Variants in DST observed in about 807,000 individuals in gnomAD.
DST encodes dystonin, also known as bullous pemphigoid antigen.
In DST, 253 loss-of-function variants were observed where a neutral mutation model predicts 875.2. That is an observed-to-expected ratio of 0.29 (90% CI 0.26 to 0.32). The LOEUF (loss-of-function observed/expected upper bound fraction) is 0.32, where lower values mean the gene tolerates loss of function less well. DST is among the 10% of genes least tolerant of loss of function. The probability of loss-of-function intolerance (pLI) is 1.00; values close to 1 mark genes in which losing one functional copy is unlikely to be tolerated. For synonymous variants in DST, 3,124 were observed against 3,197.1 expected, an observed-to-expected ratio of 0.98 and a Z score of 0.77; for missense variants, 8,287 against 9,111.6, an observed-to-expected ratio of 0.91 and a Z score of 3.68.
rs2152473917 is a variant in DST, at chr6:56,509,816, T to G, written c.18838A>C (p.Arg6280=). 2 of 1,613,680 alleles carry G rather than the reference T, an allele frequency of 1.2e-6. No individual in the cohort carries two copies. The change falls in exon 74 of 104, where the codon AGG becomes CGG. Residue 6280 remains arginine (R), a synonymous_variant. Transcript: ENST00000680361. ...ESLERIVERL[R]QPPSISAEVE... ...TCTGCAGAGATAGAGGGTGGCTGCC[T>G]CAGACGTTCCACGATGCGTTCCAGG...
rs143623628 is a variant in DST at position 56,615,889 on chromosome 6, C to T, written c.4930-1405G>A. On this transcript the variant is annotated intron_variant, in intron 36 of 103. Coordinates refer to ENST00000680361, the MANE Select transcript of DST (RefSeq NM_001374736.1). Reference sequence around the variant, plus strand: ...TTTTGTTAGTGATGGGATGGCCAATCCCTGTGATTACTAATTCACACTGTC... The same window carrying T: ...TTTTGTTAGTGATGGGATGGCCAATTCCTGTGATTACTAATTCACACTGTC... 144 of 1,614,202 alleles carry T rather than the reference C, an allele frequency of 8.9e-5. No homozygotes were observed. In the Middle Eastern group the frequency reaches 1.3e-3, roughly 15 times the overall value.
At chr6:56,469,801 T>C in intron 97 of DST, 82 bp downstream of exon 97, 1 of 1,243,938 alleles carries the variant, frequency 8.0e-7, no homozygotes, top group South Asian at 1.2e-5. Flanking sequence ...ATAAGACTCC[T>C]GGAAAACAAT....
rs572092116 is a variant in DST, at chr6:56,859,338, G to C, written c.418-7734C>G. On this transcript the variant is annotated intron_variant, in intron 3 of 103. Coordinates refer to ENST00000680361, the MANE Select transcript of DST (RefSeq NM_001374736.1). Reference sequence around the variant, plus strand: ...ACAAATAAAATAAGAACTATGCAAAGTATCGAAATACAAAATTTTTCTAAA... The same window carrying C: ...ACAAATAAAATAAGAACTATGCAAACTATCGAAATACAAAATTTTTCTAAA... 4.6e-5 allele frequency among the ~76,000 whole-genome samples: 7 copies of C among 152,070 alleles called. No individual in the cohort carries two copies. The South Asian group carries it at 1.4e-3, about 31-fold the overall frequency.
chr6:56,935,910 C>G (rs991670909), intron 2 of DST, among the ~76,000 whole-genome samples: 2 of 151,836 alleles, frequency 1.3e-5, no homozygotes, highest in Non-Finnish European at 2.9e-5. Context: ...GGTGACAGAA[C>G]GAGACTCTGT....
At chr6:56,871,378 A>AC (rs2127610381) in intron 3 of DST, 1 of 1,252,592 alleles carries the variant, frequency 8.0e-7, no homozygotes, top group East Asian at 2.3e-5. Flanking sequence ...TTCCAACGTT[A>AC]CAATGCTGGA....
At chr6:56,753,685 T>C (rs890618726) in intron 4 of DST, among the ~76,000 whole-genome samples, 1 of 152,052 alleles carries the variant, frequency 6.6e-6, no homozygotes, top group Admixed American at 6.5e-5. Context: ...TGCTAATCTC[T>C]ATCTACTTTA....
At chr6:56,753,836 C>T (rs1426505107) in intron 4 of DST, among the ~76,000 whole-genome samples, 1 of 152,178 alleles carries the variant, frequency 6.6e-6, no homozygotes, top group Non-Finnish European at 1.5e-5. Flanking sequence ...GAAGTGGCAA[C>T]AGGACATGTA....
At chr6:56,602,757 C>T (rs879301115) in intron 43 of DST, 125 bp downstream of exon 43, 36 of 685,082 alleles carry the variant, frequency 5.3e-5, no homozygotes, top group Non-Finnish European at 7.6e-5. Context: ...ATAAAGACAT[C>T]TCTAGAGACA....
intron 3 of DST, among the ~76,000 whole-genome samples, chr6:56,888,810 A>T (rs1051526428): frequency 6.6e-6 from 1 of 152,184 alleles, no homozygotes; most frequent in Non-Finnish European, 1.5e-5. Flanking sequence ...AAAAACAGAA[A>T]ATTTCCCCAA....
intron 4 of DST, among the ~76,000 whole-genome samples, chr6:56,737,380 T>C (rs2152932075): frequency 6.6e-6 from 1 of 152,178 alleles, no homozygotes; most frequent in East Asian, 1.9e-4. Context: ...CTGATGAAAA[T>C]GTAATTTAAT....
chr6:56,481,252 G>A (rs1046897257), intron 90 of DST, among the ~76,000 whole-genome samples: 1 of 152,102 alleles, frequency 6.6e-6, no homozygotes, highest in Non-Finnish European at 1.5e-5. Context: ...TTATTTACTG[G>A]TGTTTAAAAG....
intron 55 of DST, among the ~76,000 whole-genome samples, chr6:56,567,177 T>C (rs1487358329): frequency 6.6e-6 from 1 of 152,236 alleles, no homozygotes; most frequent in Non-Finnish European, 1.5e-5. Flanking sequence ...GCATTGGTAC[T>C]TTTTCATAAT....
chr6:56,593,089 C>T (rs896234840), intron 48 of DST, among the ~76,000 whole-genome samples: 1 of 152,104 alleles, frequency 6.6e-6, no homozygotes, highest in Non-Finnish European at 1.5e-5. Context: ...AATGCACAAC[C>T]GCCATCTTGT....
chr6:56,938,144 AT>A (rs1468265598), intron 2 of DST, among the ~76,000 whole-genome samples: 1 of 140,014 alleles, frequency 7.1e-6, no homozygotes, highest in Non-Finnish European at 1.6e-5. Flanking sequence ...TTAAAAAAAA[AT>A]TTTTTTGAGA....
At chr6:56,850,538 G>A (rs954091478) in intron 4 of DST, among the ~76,000 whole-genome samples, 1 of 151,914 alleles carries the variant, frequency 6.6e-6, no homozygotes, top group African/African-American at 2.4e-5. Context: ...TTCTGCCTTT[G>A]CAAGAAAGTC....
At chr6:56,770,162 A>G (rs1271699614) in intron 4 of DST, among the ~76,000 whole-genome samples, 2 of 152,218 alleles carry the variant, frequency 1.3e-5, no homozygotes, top group Non-Finnish European at 2.9e-5. Context: ...TAAACAGCAG[A>G]TAAGAGAGTT....
intron 9 of DST, among the ~76,000 whole-genome samples, chr6:56,688,077 G>C (rs1031157181): frequency 2.0e-5 from 3 of 152,110 alleles, no homozygotes; most frequent in African/African-American, 7.2e-5. Flanking sequence ...GCAGAGAAAG[G>C]CATCATGATG....
At chr6:56,843,721 G>A in intron 4 of DST, 2 of 207,692 alleles carry the variant, frequency 9.6e-6, no homozygotes, top group Non-Finnish European at 1.5e-5. Flanking sequence ...GTGGAGGGTG[G>A]AGGGTGGAGA....
At chr6:56,739,079 A>G (rs1031337968) in intron 4 of DST, among the ~76,000 whole-genome samples, 1 of 149,230 alleles carries the variant, frequency 6.7e-6, no homozygotes, top group African/African-American at 2.5e-5. Context: ...GGCATCATCT[A>G]TACCTCATTC....
Sources: gnomAD v4.1 joint callset for allele counts (sites outside exome capture counted in the v4.1 genomes callset) on GRCh38, gnomAD v4.1.1 for gene constraint, MANE v1.5 for transcripts, NCBI Gene and HGNC (gene_info 2026-07-23, HGNC 2026-07-21) for gene names.